Variants in SERPINC1 observed in about 807,000 individuals in gnomAD.
SERPINC1 encodes the protein serpin family C member 1.
Under a neutral mutation model 43.4 loss-of-function variants are expected in SERPINC1, and 12 were observed. The ratio of observed to expected loss-of-function variants is 0.28; its 90% CI spans 0.18 to 0.45. The LOEUF is 0.45. SERPINC1 is among the 20% of genes least tolerant of loss of function. The pLI, the probability that SERPINC1 is intolerant of heterozygous loss-of-function variation, is 1.00. For missense variants in SERPINC1, 423 were observed against 578.8 expected (o/e 0.73, Z 2.76); for synonymous variants, 210 against 218.9 (o/e 0.96, Z 0.36).
chr1:173,911,097 A>G (rs1336868991), intron 3 of SERPINC1, among the ~76,000 whole-genome samples: 1 of 152,242 alleles, frequency 6.6e-6, no homozygotes, highest in Non-Finnish European at 1.5e-5. Flanking sequence ...ATATTATCAG[A>G]AGAAAAAGAA....
intron 1 of SERPINC1, among the ~76,000 whole-genome samples, chr1:173,915,821 A>T (rs1657966014): frequency 6.6e-6 from 1 of 152,192 alleles, no homozygotes; most frequent in Admixed American, 6.5e-5. Context: ...AGGAACTCCT[A>T]CAAGTTCTTC....
rs761729771 is a variant in SERPINC1 at position 173,914,832 on chromosome 1, C to A, written c.129G>T (p.Lys43Asn). ...HGSPVDICTAKPRDIPMNPMC... is the reference protein window; with the variant it reads ...HGSPVDICTANPRDIPMNPMC... The stretch of plus-strand genomic sequence containing the variant: ...TGGGATTCATGGGAATGTCCCGCGG[C>A]TTGGCTGTGCAGATGTCCACAGGGC... The change falls in exon 2 of 7, where the codon AAG (lysine) becomes AAT (asparagine). Residue 43 changes from lysine (K) to asparagine (N), a missense_variant. Coordinates refer to ENST00000367698, the MANE Select transcript of SERPINC1 (RefSeq NM_000488.4). 3.7e-6 allele frequency: 6 copies of A among 1,614,226 alleles called. No homozygotes were observed.
Position 173,903,833 on chromosome 1 carries a change from T to A in SERPINC1, c.*56A>T. The stretch of plus-strand genomic sequence containing the variant: ...GTGAGATGGAAGTAGTTTGTATTTA[T>A]TTTTACTTCTGTTCACAAACCAAAA... On this transcript the variant is annotated 3_prime_UTR_variant, in exon 7 of 7. Coordinates refer to ENST00000367698, the MANE Select transcript of SERPINC1 (RefSeq NM_000488.4). The A allele has an allele frequency of 6.8e-7, 1 of 1,459,986 alleles. No individual in the cohort carries two copies. Among genetic ancestry groups the A allele is most frequent in the Non-Finnish European group, 9.6e-7 (1 of 1,041,336 alleles). The allele number at this position is 1,459,986 out of a possible 1,614,324, so 90.4% of individuals were successfully genotyped here. A position where few individuals can be genotyped will look rare whatever the true frequency, so the allele number is the denominator to read the frequency against.
chr1:173,914,548 C>A lies in SERPINC1; in HGVS notation c.408+5G>T. ...GGTGGCTGGGCAGAAGACCTTTGGT[C>A]GTACCTCCATCAGTTGCTGGAGGGT... On this transcript the variant is annotated splice_donor_5th_base_variant and intron_variant, in intron 2 of 6. Coordinates refer to ENST00000367698, the MANE Select transcript of SERPINC1 (RefSeq NM_000488.4). 1 of 1,613,844 alleles carries A rather than the reference C, an allele frequency of 6.2e-7. No homozygotes were observed. The highest frequency in any genetic ancestry group is 1.1e-5 in the South Asian group (1 of 91,022).
At position 173,911,955 on chromosome 1, in the gene SERPINC1, G is replaced by A. The variant is rs759369437; in HGVS notation, c.468C>T (p.Ala156=). ...KTSDQIHFFF[A]KLNCRLYRKA... is the part of the protein sequence containing the mutation. ...TTCGATAGAGTCGGCAGTTCAGTTT[G>A]GCAAAGAAGAAGTGGATCTGATCAG... Residue 156 remains alanine, a synonymous_variant, in exon 3 of 7, where the codon GCC becomes GCT. Transcript: ENST00000367698. 35 of 1,614,086 alleles carry A rather than the reference G, an allele frequency of 2.2e-5. No homozygotes were observed. The highest frequency in any genetic ancestry group is 6.7e-5 in the Admixed American group (4 of 59,998).
intron 3 of SERPINC1, 93 bp from the exon 4 acceptor site, chr1:173,910,984 C>T (rs1200331073): frequency 5.0e-6 from 7 of 1,408,650 alleles, no homozygotes; most frequent in African/African-American, 4.2e-5. Flanking sequence ...CACCATCCCT[C>T]TGTCCTTTCC....
At chr1:173,910,084 A>C in intron 4 of SERPINC1, 142 bp from the exon 5 acceptor site, 7 of 837,724 alleles carry the variant, frequency 8.4e-6, no homozygotes, top group Non-Finnish European at 1.4e-5. Flanking sequence ...AAGGTTAACA[A>C]TGGCTGTGTC....
In SERPINC1 at chr1:173,911,832, T is replaced by C. The variant is rs1017725174; in HGVS notation, c.591A>G (p.Val197=). 1 of 1,614,198 alleles carries C rather than the reference T, an allele frequency of 6.2e-7. No individual in the cohort carries two copies. Among genetic ancestry groups the C allele is most frequent in the South Asian group, 1.1e-5 (1 of 91,088 alleles). Residue 197 remains valine (V), a synonymous_variant, in exon 3 of 7, where the codon GTA becomes GTG. Transcript: ENST00000367698. ...NETYQDISEL[V]YGAKLQPLDF... The stretch of plus-strand genomic sequence containing the variant: ...CCAGGGGCTGGAGCTTGGCTCCATA[T>C]ACCAACTCACTGATGTCCTGGTAGG...
intron 1 of SERPINC1, among the ~76,000 whole-genome samples, 188 bp downstream of exon 1, chr1:173,917,031 A>C (rs1658020533): frequency 6.6e-6 from 1 of 152,130 alleles, no homozygotes; most frequent in Non-Finnish European, 1.5e-5. Flanking sequence ...AGCTTAGGAA[A>C]GGCCTTACCC....
chr1:173,904,170 C>A, intron 6 of SERPINC1, 105 bp from the exon 7 acceptor site: 1 of 1,113,696 alleles, frequency 9.0e-7, no homozygotes, highest in Non-Finnish European at 1.4e-6. Context: ...TTTTGTTTTC[C>A]AGTAAAAAGT....
At chr1:173,908,801 C>G (rs1352185027) in intron 5 of SERPINC1, among the ~76,000 whole-genome samples, 1 of 152,116 alleles carries the variant, frequency 6.6e-6, no homozygotes, top group Non-Finnish European at 1.5e-5. Context: ...CTTAGACGAT[C>G]CTCCCACCTC....
In SERPINC1 at chr1:173,907,434, G is replaced by A. The variant is rs375038144; in HGVS notation, c.1218+16C>T. On this transcript the variant is annotated intron_variant, in intron 6 of 6. Transcript: ENST00000367698. ...CTCCTTTCTGTACCCTAAGAGAGTG[G>A]GGAAGGTGTACTCACCTCAAGAAAT... 3.1e-6 allele frequency: 5 copies of A among 1,589,116 alleles called. No homozygotes were observed. In the African/African-American group the frequency reaches 5.4e-5, roughly 17 times the overall value.
chr1:173,905,745 GA>G (rs1557900784), intron 6 of SERPINC1, among the ~76,000 whole-genome samples: 1 of 151,992 alleles, frequency 6.6e-6, no homozygotes, highest in Non-Finnish European at 1.5e-5. Flanking sequence ...ATCTCATTAG[GA>G]GACCCGTTCA....
intron 1 of SERPINC1, 161 bp from the exon 2 acceptor site, chr1:173,915,080 A>G: frequency 6.7e-7 from 1 of 1,488,104 alleles, no homozygotes; most frequent in Non-Finnish European, 8.9e-7. Context: ...GGACAGGTTC[A>G]GTCCTAGACT....
chr1:173,912,853 G>C (rs976372693), intron 2 of SERPINC1, among the ~76,000 whole-genome samples: 1 of 152,318 alleles, frequency 6.6e-6, no homozygotes, highest in East Asian at 1.9e-4. Context: ...TGTTCTTCTT[G>C]TAGGAAGGGT....
rs553846768 is a variant in SERPINC1, at chr1:173,909,088, G to A, written c.1153+464C>T. On this transcript the variant is annotated intron_variant, in intron 5 of 6. Transcript: ENST00000367698. ...TGAGGCATGAGAATCGCTTGAACCC[G>A]GGAGGCAGAGGTTGCAGTGAGCCGA... Among the ~76,000 whole-genome samples the A allele has an allele frequency of 2.8e-4, 43 of 152,180 alleles. 1 individual carries two copies. In the South Asian group the frequency reaches 8.3e-3, roughly 29 times the overall value.
At chr1:173,913,408 A>G (rs1657852292) in intron 2 of SERPINC1, among the ~76,000 whole-genome samples, 1 of 152,178 alleles carries the variant, frequency 6.6e-6, no homozygotes, top group Non-Finnish European at 1.5e-5. Flanking sequence ...GAAATGATCC[A>G]TACTTCCCAG....
Position 173,912,009 on chromosome 1 carries a change from A to G in SERPINC1, c.414T>C (p.Phe138=). Residue 138 remains phenylalanine, a synonymous_variant, in exon 3 of 7, where the codon TTT becomes TTC. Transcript: ENST00000367698. ...TTTTCTCAGATATGGTGTCAAACTT[A>G]AATACCTATAGAAGTCAAAAAAAAA... ...NDTLQQLMEV[F]KFDTISEKTS... 1 of 1,613,322 alleles carries G rather than the reference A, an allele frequency of 6.2e-7. No homozygotes were observed. Among genetic ancestry groups the G allele is most frequent in the Non-Finnish European group, 8.5e-7 (1 of 1,179,246 alleles).
chr1:173,906,318 C>T (rs1389868888), intron 6 of SERPINC1, among the ~76,000 whole-genome samples: 1 of 152,234 alleles, frequency 6.6e-6, no homozygotes, highest in Admixed American at 6.5e-5. Context: ...ATTACTCTAA[C>T]ACAGGGTTCC....
Sources: gnomAD v4.1 joint callset for allele counts (sites outside exome capture counted in the v4.1 genomes callset) on GRCh38, gnomAD v4.1.1 for gene constraint, MANE v1.5 for transcripts, NCBI Gene and HGNC (gene_info 2026-07-23, HGNC 2026-07-21) for gene names.